Variants in SLC2A9 observed in about 807,000 individuals in gnomAD.
The protein encoded by SLC2A9 is solute carrier family 2 member 9, also known as solute carrier family 2, facilitated glucose transporter member 9.
SLC2A9 carries 39 observed loss-of-function variants against 50.6 expected under a neutral mutation model. The observed-to-expected ratio is 0.77, with a 90% CI of 0.60 to 1.01. The LOEUF is 1.01. Among genes scored for constraint, SLC2A9 ranks in the 50% least tolerant of loss-of-function variants. The pLI, the probability that SLC2A9 is intolerant of heterozygous loss-of-function variation, is 0.00. For synonymous variants in SLC2A9, 324 were observed against 276.9 expected, an observed-to-expected ratio of 1.17 and a Z score of -1.69; for missense variants, 686 against 677.6, an observed-to-expected ratio of 1.01 and a Z score of -0.14.
chr4:9,938,908 T>G (rs771615263), intron 6 of SLC2A9, among the ~76,000 whole-genome samples: 1 of 152,014 alleles, frequency 6.6e-6, no homozygotes, highest in Non-Finnish European at 1.5e-5. Context: ...CACTATGAAC[T>G]GGGGGTGGGG....
chr4:10,039,549 A>G (rs539533391), intron 1 of SLC2A9, among the ~76,000 whole-genome samples: 1 of 152,302 alleles, frequency 6.6e-6, no homozygotes, highest in Admixed American at 6.5e-5. Flanking sequence ...TGACGCCTAA[A>G]TAACTTGCCT....
At chr4:9,980,129 C>T (rs146239738) in intron 5 of SLC2A9, among the ~76,000 whole-genome samples, 222 of 152,218 alleles carry the variant, frequency 1.5e-3, no homozygotes, top group African/African-American at 5.1e-3. Context: ...AAGCCAAAAC[C>T]GGAAGACTCT....
At chr4:9,906,075 G>A (rs1018720790) in intron 8 of SLC2A9, among the ~76,000 whole-genome samples, 10 of 152,136 alleles carry the variant, frequency 6.6e-5, no homozygotes, top group African/African-American at 2.4e-4. Context: ...CCACTTACTG[G>A]GTGTATACCA....
intron 8 of SLC2A9, among the ~76,000 whole-genome samples, chr4:9,893,464 A>G (rs993571132): frequency 6.6e-6 from 1 of 151,582 alleles, no homozygotes; most frequent in African/African-American, 2.4e-5. Context: ...CTTGGTGGGA[A>G]GTGGGGAGGG....
chr4:9,900,208 T>C (rs1201982796), intron 8 of SLC2A9, among the ~76,000 whole-genome samples: 1 of 152,052 alleles, frequency 6.6e-6, no homozygotes, highest in Non-Finnish European at 1.5e-5. Flanking sequence ...CACAAGGGGA[T>C]GGTAAATGCT....
At chr4:9,969,472 C>T (rs567719040) in intron 5 of SLC2A9, among the ~76,000 whole-genome samples, 2 of 152,148 alleles carry the variant, frequency 1.3e-5, no homozygotes, top group Non-Finnish European at 2.9e-5. Context: ...TTGACAAATA[C>T]TCTTAAATAC....
chr4:9,927,631 G>A (rs940565624), intron 6 of SLC2A9, among the ~76,000 whole-genome samples: 2 of 152,198 alleles, frequency 1.3e-5, no homozygotes, highest in African/African-American at 4.8e-5. Flanking sequence ...GAATTTAAGA[G>A]GAGGAAGTCA....
intron 10 of SLC2A9, among the ~76,000 whole-genome samples, chr4:9,854,621 A>G (rs1730457304): frequency 1.3e-5 from 2 of 152,234 alleles, no homozygotes. Context: ...GGCCAGCATG[A>G]TCCTGATACC....
chr4:9,881,231 G>A (rs1250434078), intron 10 of SLC2A9, among the ~76,000 whole-genome samples: 1 of 152,242 alleles, frequency 6.6e-6, no homozygotes, highest in Non-Finnish European at 1.5e-5. Context: ...TTGGAATCAT[G>A]CAGTGTTAGA....
chr4:9,990,139 C>T (rs1407158203), intron 3 of SLC2A9, among the ~76,000 whole-genome samples: 1 of 152,080 alleles, frequency 6.6e-6, no homozygotes, highest in Non-Finnish European at 1.5e-5. Context: ...ACTTTGGCAG[C>T]TTTGCTCATG....
chr4:9,931,827 G>C (rs190822535), intron 6 of SLC2A9, among the ~76,000 whole-genome samples: 2 of 151,320 alleles, frequency 1.3e-5, no homozygotes, highest in African/African-American at 4.9e-5. Flanking sequence ...TCTCTAGTGA[G>C]AGACAGACAC....
intron 5 of SLC2A9, among the ~76,000 whole-genome samples, chr4:9,960,095 A>AG (rs35873496): frequency 0.9 from 137,819 of 152,304 alleles, 62,559 homozygotes; most frequent in East Asian, 1. Context: ...CCGCAAGTCA[A>AG]GAAGTTATAC....
At chr4:9,807,647 C>G (rs1722303350) in intron 3 of SLC2A9, among the ~76,000 whole-genome samples, 1 of 152,214 alleles carries the variant, frequency 6.6e-6, no homozygotes. Flanking sequence ...ACTCTGCAAA[C>G]TCAAGTAACT....
chr4:9,883,846 C>A (rs577409034), intron 10 of SLC2A9, among the ~76,000 whole-genome samples: 1 of 152,346 alleles, frequency 6.6e-6, no homozygotes, highest in African/African-American at 2.4e-5. Flanking sequence ...GGACTGGGCA[C>A]TTTAGGAGAG....
At chr4:10,015,695 G>A (rs558047140) in intron 2 of SLC2A9, among the ~76,000 whole-genome samples, 3 of 152,160 alleles carry the variant, frequency 2.0e-5, no homozygotes, top group Admixed American at 6.5e-5. Context: ...GAAAGAGGCC[G>A]TCTGCAAGCC....
intron 1 of SLC2A9, among the ~76,000 whole-genome samples, chr4:10,036,533 C>G (rs1459382201): frequency 1.3e-5 from 2 of 152,284 alleles, no homozygotes; most frequent in African/African-American, 4.8e-5. Context: ...TTCTCTTTAC[C>G]CTTTGTTGTC....
chr4:9,826,487 G>A lies in SLC2A9; in HGVS notation c.1533C>T (p.Ser511=), dbSNP rs1725151168. Residue 511 remains serine, a synonymous_variant, in exon 12 of 12, where the codon AGC becomes AGT. Coordinates refer to ENST00000264784, the MANE Select transcript of SLC2A9 (RefSeq NM_020041.3). ...ETKNRTYAEI[S]QAFSKRNKAY... is the part of the protein sequence containing the mutation. ...CTTTGTTCCTTTTGGAAAATGCCTG[G>A]CTGATTTCTGCATAGGTTCTGTTTT... 6.2e-7 allele frequency: 1 copy of A among 1,613,960 alleles called. No homozygotes were observed. The highest frequency in any genetic ancestry group is 8.5e-7 in the Non-Finnish European group (1 of 1,179,988).
chr4:9,951,152 A>G (rs1392458149), intron 5 of SLC2A9, among the ~76,000 whole-genome samples: 7 of 152,256 alleles, frequency 4.6e-5, no homozygotes, highest in African/African-American at 1.7e-4. Context: ...AATACTATTT[A>G]GCCATTAAAA....
chr4:9,800,914 G>A (rs1049339094), intron 3 of SLC2A9, among the ~76,000 whole-genome samples: 5 of 152,136 alleles, frequency 3.3e-5, no homozygotes, highest in African/African-American at 9.7e-5. Context: ...ACTGTATTTT[G>A]TTCCAGCCAT....
Sources: allele counts gnomAD v4.1 joint callset (sites outside exome capture counted in the v4.1 genomes callset), GRCh38; gene constraint gnomAD v4.1.1; transcripts MANE v1.5; gene names NCBI Gene and HGNC (gene_info 2026-07-23, HGNC 2026-07-21).